The following PKHD1 variants were observed in gnomAD, a reference collection of about 807,000 sequenced individuals.
PKHD1 encodes fibrocystin.
PKHD1 carries 291 observed loss-of-function variants against 412.0 expected under a neutral mutation model. That is an observed-to-expected ratio of 0.71 (90% confidence interval 0.64 to 0.78). The LOEUF is 0.78. Among genes scored for constraint, PKHD1 ranks in the 30% least tolerant of loss-of-function variants. The probability of loss-of-function intolerance (pLI) is 0.00; values close to 1 mark genes in which losing one functional copy is unlikely to be tolerated. For synonymous variants in PKHD1, 1,777 were observed against 1,821.5 expected (o/e 0.98, Z 0.62); for missense variants, 4,825 against 4,950.7 (o/e 0.97, Z 0.76).
At position 52,025,680 on chromosome 6, in the gene PKHD1, T is replaced by C. The variant is rs773345692; in HGVS notation, c.4130A>G (p.Asn1377Ser). ...AAATTGCTGGAGCACCACAGACATA[T>C]TAGCAAATCCCATCTGCTTCTGACG... is the stretch of plus-strand genomic sequence containing the variant. ...QVRQKQMGFA[N>S]MSVVLQQFAV... is the part of the protein sequence containing the mutation. The change falls in exon 32 of 67, where the codon AAT (asparagine) becomes AGT (serine). Residue 1377 changes from asparagine to serine, a missense_variant. Transcript: ENST00000371117. 7 of 1,614,046 alleles carry C rather than the reference T, an allele frequency of 4.3e-6. No homozygotes were observed. The highest frequency in any genetic ancestry group is 4.0e-5 in the African/African-American group (3 of 74,900).
chr6:51,887,767 C>G (rs956795283), intron 43 of PKHD1, among the ~76,000 whole-genome samples: 1 of 152,204 alleles, frequency 6.6e-6, no homozygotes, highest in Non-Finnish European at 1.5e-5. Flanking sequence ...CCTGCAGAAC[C>G]ATGAGCCAAT....
intron 52 of PKHD1, among the ~76,000 whole-genome samples, chr6:51,827,804 A>G (rs1369475483): frequency 1.3e-5 from 2 of 152,146 alleles, no homozygotes; most frequent in South Asian, 2.1e-4. Context: ...TGCCTTGAAC[A>G]GAGTGAATGT....
At chr6:51,972,320 G>C (rs1295949051) in intron 35 of PKHD1, among the ~76,000 whole-genome samples, 1 of 152,132 alleles carries the variant, frequency 6.6e-6, no homozygotes, top group African/African-American at 2.4e-5. Context: ...GTACTTTTTA[G>C]AGAGAAAAAG....
At chr6:52,083,084 T>C in intron 3 of PKHD1, 94 bp downstream of exon 3, 1 of 883,784 alleles carries the variant, frequency 1.1e-6, no homozygotes, top group Non-Finnish European at 1.9e-6. Context: ...CTTTTACACC[T>C]GTCCTTAGAA....
intron 8 of PKHD1, 78 bp from the exon 9 acceptor site, chr6:52,071,148 A>T: frequency 9.6e-7 from 1 of 1,043,394 alleles, no homozygotes; most frequent in Non-Finnish European, 1.5e-6. Flanking sequence ...CCAGGAAAGT[A>T]GAAAGCAAAA....
In PKHD1 at chr6:52,054,028, G is replaced by A. The variant is rs1377384085; in HGVS notation, c.1964+10C>T. On this transcript the variant is annotated intron_variant, in intron 20 of 66. Coordinates refer to ENST00000371117, the MANE Select transcript of PKHD1 (RefSeq NM_138694.4). ...TGAATTCCCACCACGCCTCCCCACCGATTAGCTACCTCTCGGGGCTGGTCC... is the reference window on the plus strand; with the variant it reads ...TGAATTCCCACCACGCCTCCCCACCAATTAGCTACCTCTCGGGGCTGGTCC... 4.3e-6 allele frequency: 7 copies of A among 1,613,682 alleles called. No individual in the cohort carries two copies. Among genetic ancestry groups the A allele is most frequent in the African/African-American group, 1.3e-5 (1 of 75,008 alleles).
Position 51,909,331 on chromosome 6 carries a change from C to G in PKHD1, c.6634G>C (p.Ala2212Pro). The G allele has an allele frequency of 5.0e-6, 8 of 1,613,518 alleles. No individual in the cohort carries two copies. In the South Asian group the frequency reaches 8.8e-5, roughly 18 times the overall value. The change falls in exon 40 of 67, where the codon GCC becomes CCC. Residue 2212 changes from alanine (A) to proline (P), a missense_variant. Ala to Pro is a conservative substitution (Grantham distance 27). Transcript: ENST00000371117. ...AGTGAGCTCAGATGCTTATGGAAGG[C>G]TTGCCCCAAGACTTGAAACTGCACT... ...KGVQFQVLGQAFHKHLSSLTL... is the reference protein window; with the variant it reads ...KGVQFQVLGQPFHKHLSSLTL...
At chr6:51,872,559 C>T (rs1405155294) in intron 46 of PKHD1, among the ~76,000 whole-genome samples, 1 of 152,080 alleles carries the variant, frequency 6.6e-6, no homozygotes, top group Non-Finnish European at 1.5e-5. Context: ...CAGGTGCTTG[C>T]CACCACATCT....
intron 52 of PKHD1, among the ~76,000 whole-genome samples, chr6:51,820,885 A>G (rs1203227493): frequency 6.6e-6 from 1 of 152,232 alleles, no homozygotes; most frequent in Non-Finnish European, 1.5e-5. Context: ...ACCTAAACCA[A>G]TGATTGGGAA....
chr6:51,808,020 C>T (rs192632869), intron 52 of PKHD1, among the ~76,000 whole-genome samples: 1 of 152,006 alleles, frequency 6.6e-6, no homozygotes. Context: ...GTAAAAACCA[C>T]GAATTGTACA....
At chr6:51,968,777 C>A (rs1246540124) in intron 35 of PKHD1, among the ~76,000 whole-genome samples, 1 of 152,178 alleles carries the variant, frequency 6.6e-6, no homozygotes, top group Non-Finnish European at 1.5e-5. Context: ...AAACATGGAA[C>A]AGACTTCTAC....
intron 52 of PKHD1, among the ~76,000 whole-genome samples, chr6:51,812,812 A>G (rs1764900104): frequency 6.6e-6 from 1 of 152,134 alleles, no homozygotes; most frequent in Non-Finnish European, 1.5e-5. Context: ...TTTGCCATCT[A>G]TTACCTCTAA....
intron 60 of PKHD1, among the ~76,000 whole-genome samples, chr6:51,737,270 G>A (rs960768251): frequency 4.6e-5 from 7 of 152,074 alleles, no homozygotes; most frequent in Non-Finnish European, 8.8e-5. Context: ...AAAGCTTATC[G>A]TGAGTTTATA....
chr6:52,040,364 A>C (rs761552213), intron 27 of PKHD1, among the ~76,000 whole-genome samples: 2 of 152,126 alleles, frequency 1.3e-5, no homozygotes, highest in Non-Finnish European at 2.9e-5. Flanking sequence ...AGCCAACATT[A>C]TCTCTCCCCT....
intron 36 of PKHD1, among the ~76,000 whole-genome samples, chr6:51,937,730 G>A (rs1173654443): frequency 2.6e-5 from 4 of 152,124 alleles, no homozygotes; most frequent in African/African-American, 9.7e-5. Context: ...TCTGTAAAAT[G>A]GGCATGGTAA....
chr6:51,838,735 T>C lies in PKHD1; in HGVS notation c.8108-2266A>G, dbSNP rs183054564. ...TGACAATAGTGAATGGTGGGAAGAATGTGGGTGCTGGAGCCCAACAGCCTG... is the reference window on the plus strand; with the variant it reads ...TGACAATAGTGAATGGTGGGAAGAACGTGGGTGCTGGAGCCCAACAGCCTG... On this transcript the variant is annotated intron_variant, in intron 50 of 66. Coordinates refer to ENST00000371117, the MANE Select transcript of PKHD1 (RefSeq NM_138694.4). Among the ~76,000 whole-genome samples, 18 of 152,296 alleles carry C rather than the reference T, an allele frequency of 1.2e-4. No individual in the cohort carries two copies. In the East Asian group the frequency reaches 3.3e-3, roughly 28 times the overall value.
At chr6:51,743,549 T>C (rs1011058328) in intron 60 of PKHD1, among the ~76,000 whole-genome samples, 2 of 152,090 alleles carry the variant, frequency 1.3e-5, no homozygotes, top group Non-Finnish European at 2.9e-5. Context: ...AGGATATAAA[T>C]TGGAAGTCAT....
intron 52 of PKHD1, among the ~76,000 whole-genome samples, chr6:51,821,888 T>C (rs1431266179): frequency 3.3e-5 from 5 of 152,174 alleles, no homozygotes; most frequent in South Asian, 2.1e-4. Flanking sequence ...GGTTTCACCA[T>C]GTTGGCCAGG....
At chr6:51,755,086 G>A (rs529686760) in intron 55 of PKHD1, 148 bp from the exon 56 acceptor site, 1 of 755,702 alleles carries the variant, frequency 1.3e-6, no homozygotes, top group Admixed American at 2.0e-5. Flanking sequence ...GTGGAAAAAG[G>A]CTTTCGCAAA....
Sources: gnomAD v4.1 joint callset for allele counts (sites outside exome capture counted in the v4.1 genomes callset) on GRCh38, gnomAD v4.1.1 for gene constraint, MANE v1.5 for transcripts, NCBI Gene and HGNC (gene_info 2026-07-23, HGNC 2026-07-21) for gene names.